EIF4E3: variants seen among roughly 807,000 people sequenced by gnomAD.
EIF4E3 encodes the protein eukaryotic translation initiation factor 4E type 3.
In EIF4E3, 26 loss-of-function variants were observed where a neutral mutation model predicts 31.7. The observed-to-expected ratio is 0.82, with a 90% CI of 0.60 to 1.14. The LOEUF is 1.14. Among genes scored for constraint, EIF4E3 ranks in the 50% most tolerant of loss-of-function variants. The pLI, the probability that EIF4E3 is intolerant of heterozygous loss-of-function variation, is 0.00. For missense variants in EIF4E3, 304 were observed against 270.9 expected, an observed-to-expected ratio of 1.12 and a Z score of -0.86; for synonymous variants, 128 against 107.7, an observed-to-expected ratio of 1.19 and a Z score of -1.17.
intron 1 of EIF4E3, among the ~76,000 whole-genome samples, chr3:71,745,469 G>C (rs778316151): frequency 5.9e-5 from 9 of 152,080 alleles, no homozygotes; most frequent in Non-Finnish European, 1.5e-5. Context: ...CATTTTATAT[G>C]GATGTACCCC....
intron 2 of EIF4E3, among the ~76,000 whole-genome samples, chr3:71,702,278 T>G (rs1312155757): frequency 6.6e-6 from 1 of 152,204 alleles, no homozygotes; most frequent in East Asian, 1.9e-4. Flanking sequence ...CAATGACCTC[T>G]GTAGAATTTA....
In EIF4E3 at chr3:71,680,151, T is replaced by C. The variant is rs2048906755; in HGVS notation, c.*4531A>G. ...ATGGTTTTCTCCAGCCTTCATAAGA[T>C]TGTTGGTATCATACATTGGAATCAG... On this transcript the variant is annotated 3_prime_UTR_variant, in exon 7 of 7. Transcript: ENST00000425534. The C allele has an allele frequency of 6.6e-6, 1 of 152,158 alleles. No individual in the cohort carries two copies. Among genetic ancestry groups the C allele is most frequent in the African/African-American group, 2.4e-5 (1 of 41,440 alleles). 9.4% of individuals were successfully genotyped at this position (152,158 alleles called of 1,614,324 possible). A position where few individuals can be genotyped will look rare whatever the true frequency, so the allele number is the denominator to read the frequency against.
chr3:71,675,017 C>G (rs1228347276), downstream of EIF4E3, among the ~76,000 whole-genome samples: 2 of 152,168 alleles, frequency 1.3e-5, no homozygotes, highest in Non-Finnish European at 2.9e-5. Context: ...GCATCCCGGA[C>G]AAGTTCAAAT....
At chr3:71,738,660 G>A (rs2049788733) in intron 1 of EIF4E3, among the ~76,000 whole-genome samples, 1 of 151,982 alleles carries the variant, frequency 6.6e-6, no homozygotes, top group Non-Finnish European at 1.5e-5. Flanking sequence ...AATACATGAA[G>A]CAAAACTTGA....
chr3:71,754,243 G>T (rs1218935117), upstream of EIF4E3: 1 of 1,291,846 alleles, frequency 7.7e-7, no homozygotes, highest in Non-Finnish European at 1.0e-6. This position sits in a 1 kb window ranked among gnomAD's most constrained non-coding sequence, Gnocchi z 5.8. Context: ...CTGGCCGACG[G>T]GCTGCGCGCG....
chr3:71,694,075 G>A (rs1048565357), intron 4 of EIF4E3, 134 bp from the exon 5 acceptor site: 46 of 763,340 alleles, frequency 6.0e-5, no homozygotes, highest in Non-Finnish European at 7.7e-5. Flanking sequence ...GGAGTCCACA[G>A]ACACCTCCAA....
the EIF4E3 span, among the ~76,000 whole-genome samples, chr3:71,659,400 A>C: frequency 6.6e-6 from 1 of 152,336 alleles, no homozygotes; most frequent in African/African-American, 2.4e-5. Context: ...CATCAGACTT[A>C]TTACATGGAA....
chr3:71,708,183 C>T (rs185311449), intron 2 of EIF4E3, among the ~76,000 whole-genome samples: 204 of 152,244 alleles, frequency 1.3e-3, no homozygotes, highest in African/African-American at 4.8e-3. Flanking sequence ...CTCATTCATT[C>T]ATTCAATCCT....
At chr3:71,718,293 C>G (rs946496713) in intron 1 of EIF4E3, among the ~76,000 whole-genome samples, 3 of 152,224 alleles carry the variant, frequency 2.0e-5, no homozygotes, top group African/African-American at 7.2e-5. Flanking sequence ...AGCTTCCTGT[C>G]TGATCAAGAG....
upstream of EIF4E3, chr3:71,754,611 C>T: frequency 1.4e-6 from 2 of 1,450,726 alleles, no homozygotes; most frequent in African/African-American, 1.5e-5. This position sits in a 1 kb window ranked among gnomAD's most constrained non-coding sequence, Gnocchi z 5.8. Flanking sequence ...GGGCTTCCTG[C>T]TGCTGCTGGC....
At position 71,725,112 on chromosome 3, in the gene EIF4E3, A is replaced by C. The variant is rs1185666680; in HGVS notation, c.176+80T>G. 12 of 959,784 alleles carry C rather than the reference A, an allele frequency of 1.3e-5. No individual in the cohort carries two copies. The highest frequency in any genetic ancestry group is 1.5e-5 in the Non-Finnish European group (12 of 802,214). 59.5% of individuals were successfully genotyped at this position (959,784 alleles called of 1,614,324 possible). A position where few individuals can be genotyped will look rare whatever the true frequency, so the allele number is the denominator to read the frequency against. Reference sequence around the variant, plus strand: ...GCCACAGCGGAGCGGGGCCGGGGCGAGGGGCCGCGCCGAGACAAAGCGGCG... The same window carrying C: ...GCCACAGCGGAGCGGGGCCGGGGCGCGGGGCCGCGCCGAGACAAAGCGGCG... On this transcript the variant is annotated intron_variant, in intron 1 of 6. Coordinates refer to ENST00000425534, the MANE Select transcript of EIF4E3 (RefSeq NM_001134651.2). The surrounding 1 kb of genome is among the most constrained non-coding windows in gnomAD (Gnocchi z 6.1).
chr3:71,727,795 A>G (rs887613410), upstream of EIF4E3, among the ~76,000 whole-genome samples: 4 of 152,242 alleles, frequency 2.6e-5, no homozygotes, highest in Non-Finnish European at 5.9e-5. Flanking sequence ...GATTAAAGCT[A>G]GTCAAACTGT....
chr3:71,744,750 A>AT (rs994317706), intron 1 of EIF4E3, among the ~76,000 whole-genome samples: 3 of 152,216 alleles, frequency 2.0e-5, no homozygotes, highest in Admixed American at 6.5e-5. Context: ...GTCTCAAAAA[A>AT]ATATATATAT....
intron 2 of EIF4E3, among the ~76,000 whole-genome samples, chr3:71,706,779 C>A (rs985476387): frequency 4.6e-5 from 7 of 152,190 alleles, no homozygotes; most frequent in Non-Finnish European, 5.9e-5. Context: ...GCTATAATAG[C>A]ACCACTGCAC....
chr3:71,667,448 A>G, the EIF4E3 span, among the ~76,000 whole-genome samples: 5 of 152,234 alleles, frequency 3.3e-5, no homozygotes, highest in Non-Finnish European at 7.3e-5. Context: ...ATAGGAAGAG[A>G]AGAAGTCAAA....
chr3:71,725,118 C>G lies in EIF4E3; in HGVS notation c.176+74G>C. ...GCGGAGCGGGGCCGGGGCGAGGGGC[C>G]GCGCCGAGACAAAGCGGCGGTGGCG... On this transcript the variant is annotated intron_variant, in intron 1 of 6. Transcript: ENST00000425534. This position sits in a 1 kb window ranked among gnomAD's most constrained non-coding sequence, Gnocchi z 6.1. 1 of 993,458 alleles carries G rather than the reference C, an allele frequency of 1.0e-6. No homozygotes were observed. Among genetic ancestry groups the G allele is most frequent in the Admixed American group, 6.0e-5 (1 of 16,752 alleles). The allele number at this position is 993,458 out of a possible 1,614,324, so 61.5% of individuals were successfully genotyped here.
chr3:71,701,337 G>C lies in EIF4E3; in HGVS notation c.250-1629C>G, dbSNP rs534976647. On this transcript the variant is annotated intron_variant, in intron 2 of 6. Transcript: ENST00000425534. Reference sequence around the variant, plus strand: ...TATCCTAATGACACTCTTAGGAGGAGGTATGATTATTATCCTTTTTTTAAA... The same window carrying C: ...TATCCTAATGACACTCTTAGGAGGACGTATGATTATTATCCTTTTTTTAAA... Among the ~76,000 whole-genome samples the C allele has an allele frequency of 3.9e-5, 6 of 152,274 alleles. No individual in the cohort carries two copies. In the East Asian group the frequency reaches 5.8e-4, roughly 15 times the overall value.
chr3:71,661,959 CA>C, the EIF4E3 span, among the ~76,000 whole-genome samples: 2 of 152,154 alleles, frequency 1.3e-5, no homozygotes, highest in Non-Finnish European at 2.9e-5. Context: ...TCACCTTGGA[CA>C]AGTCACTTTG....
rs1424549868 is a variant in EIF4E3, at chr3:71,677,624, C to T, written c.*7058G>A. The T allele has an allele frequency of 6.6e-6, 1 of 152,190 alleles. No individual in the cohort carries two copies. Among genetic ancestry groups the T allele is most frequent in the Non-Finnish European group, 1.5e-5 (1 of 68,030 alleles). 9.4% of individuals were successfully genotyped at this position (152,190 alleles called of 1,614,324 possible). On this transcript the variant is annotated 3_prime_UTR_variant, in exon 7 of 7. Coordinates refer to ENST00000425534, the MANE Select transcript of EIF4E3 (RefSeq NM_001134651.2). ...TTTAAAGCCTTCCTAGTGTTATGCC[C>T]TGCTCTTCAACGATTTCATTAAATT... is the stretch of plus-strand genomic sequence containing the variant.
Sources: gnomAD v4.1 joint callset for allele counts (sites outside exome capture counted in the v4.1 genomes callset) on GRCh38, gnomAD v4.1.1 for gene constraint, Gnocchi (gnomAD v3.1) non-coding constraint, MANE v1.5 for transcripts, NCBI Gene and HGNC (gene_info 2026-07-23, HGNC 2026-07-21) for gene names.